Variants in FGFR2 observed in about 807,000 individuals in gnomAD.
FGFR2 encodes the protein fibroblast growth factor receptor 2.
In FGFR2, 19 loss-of-function variants were observed where a neutral mutation model predicts 95.9. The ratio of observed to expected loss-of-function variants is 0.20; its 90% CI spans 0.14 to 0.29. The LOEUF (loss-of-function observed/expected upper bound fraction) is 0.29, where lower values mean the gene tolerates loss of function less well. Ranked by LOEUF, FGFR2 falls within the 10% of genes least tolerant of loss-of-function variation. The pLI, the probability that FGFR2 is intolerant of heterozygous loss-of-function variation, is 1.00. For synonymous variants in FGFR2, 392 were observed against 393.3 expected (o/e 1.00, Z 0.04); for missense variants, 707 against 1,056.9 (o/e 0.67, Z 4.59).
intron 12 of FGFR2, 89 bp from the exon 13 acceptor site, chr10:121,496,811 C>A: frequency 3.4e-6 from 4 of 1,183,028 alleles, no homozygotes; most frequent in South Asian, 1.3e-5. Context: ...TATTACAACC[C>A]ATGCTTTTTT....
Position 121,479,372 on chromosome 10 carries a change from T to C in FGFR2, c.*485A>G. On this transcript the variant is annotated 3_prime_UTR_variant, in exon 18 of 18. Coordinates refer to ENST00000358487, the MANE Select transcript of FGFR2 (RefSeq NM_000141.5). Reference sequence around the variant, plus strand: ...CTATTAAAAAAAGAGAGACCAATTTTCTAGGTGCATTGGGACATCCATTTA... The same window carrying C: ...CTATTAAAAAAAGAGAGACCAATTTCCTAGGTGCATTGGGACATCCATTTA... The C allele has an allele frequency of 3.3e-6, 1 of 306,620 alleles. No individual in the cohort carries two copies. The highest frequency in any genetic ancestry group is 4.9e-5 in the East Asian group (1 of 20,412). 19.0% of individuals were successfully genotyped at this position (306,620 alleles called of 1,614,324 possible).
chr10:121,551,175 G>T, intron 5 of FGFR2, 115 bp downstream of exon 5: 1 of 1,204,386 alleles, frequency 8.3e-7, no homozygotes. Context: ...AACCGAGATC[G>T]CACCACGGCA....
intron 4 of FGFR2, among the ~76,000 whole-genome samples, chr10:121,554,231 C>T (rs1379603087): frequency 6.6e-6 from 1 of 152,178 alleles, no homozygotes; most frequent in African/African-American, 2.4e-5. Flanking sequence ...GTGTGACCAG[C>T]CCCACCCTGG....
At chr10:121,541,513 C>A (rs138790616) in intron 5 of FGFR2, among the ~76,000 whole-genome samples, 17 of 152,290 alleles carry the variant, frequency 1.1e-4, no homozygotes, top group Non-Finnish European at 2.4e-4. Flanking sequence ...AAAGAAACCA[C>A]TCTTCCGACG....
chr10:121,593,579 G>A (rs996021867), intron 2 of FGFR2, 130 bp downstream of exon 2: 2 of 814,734 alleles, frequency 2.5e-6, no homozygotes, highest in African/African-American at 3.4e-5. Flanking sequence ...CGGGAGCCAA[G>A]AGACCACGAT....
intron 6 of FGFR2, among the ~76,000 whole-genome samples, chr10:121,522,830 A>G (rs1342938307): frequency 1.3e-5 from 2 of 152,062 alleles, no homozygotes; most frequent in African/African-American, 4.8e-5. Context: ...GGGTACCACT[A>G]CCCTAACCTC....
chr10:121,518,600 CAGTCTCCCAAAGCACCA>C lies in FGFR2; in HGVS notation c.940-1154_940-1138del, dbSNP rs1280959731. 6.6e-7 allele frequency: 1 copy of C among 1,516,172 alleles called. No individual in the cohort carries two copies. The highest frequency in any genetic ancestry group is 9.1e-7 in the Non-Finnish European group (1 of 1,097,932). 93.9% of individuals were successfully genotyped at this position (1,516,172 alleles called of 1,614,324 possible). On this transcript the variant is annotated intron_variant, in intron 7 of 17. Coordinates refer to ENST00000358487, the MANE Select transcript of FGFR2 (RefSeq NM_000141.5). This position sits in a 1 kb window ranked among gnomAD's most constrained non-coding sequence, Gnocchi z 4.0. ...CAAGAGTTATCCTATAAGCTGCCTG[CAGTCTCCCAAAGCACCA>C]AGTCTTTTCAGCTTCTATATCCAGC...
intron 9 of FGFR2, among the ~76,000 whole-genome samples, chr10:121,507,936 TAAC>T (rs1479224932): frequency 1.3e-5 from 2 of 152,036 alleles, no homozygotes; most frequent in Admixed American, 6.6e-5. Context: ...TAATAAAAAA[TAAC>T]AATACAACAA....
In FGFR2 at chr10:121,517,585, G is replaced by T; in HGVS notation, c.940-122C>A. 3 of 1,105,808 alleles carry T rather than the reference G, an allele frequency of 2.7e-6. No homozygotes were observed. The highest frequency in any genetic ancestry group is 4.0e-6 in the Non-Finnish European group (3 of 743,868). The allele number at this position is 1,105,808 out of a possible 1,614,324, so 68.5% of individuals were successfully genotyped here. ...GGGGTGCTGGCCACTGGGAGATTCC[G>T]ACTGCAGCCCATCCACAAAGCCCAC... is the stretch of plus-strand genomic sequence containing the variant. On this transcript the variant is annotated intron_variant, in intron 7 of 17. Transcript: ENST00000358487. The surrounding 1 kb of genome is among the most constrained non-coding windows in gnomAD (Gnocchi z 4.7).
At position 121,538,669 on chromosome 10, in the gene FGFR2, G is replaced by T; in HGVS notation, c.671C>A (p.Ser224Tyr). The T allele has an allele frequency of 6.2e-7, 1 of 1,614,142 alleles. No homozygotes were observed. Among genetic ancestry groups the T allele is most frequent in the Non-Finnish European group, 8.5e-7 (1 of 1,179,998 alleles). The change falls in exon 6 of 18, where the codon TCT becomes TAT. Residue 224 changes from serine to tyrosine, a missense_variant. Transcript: ENST00000358487. Reference sequence around the variant, plus strand: ...TACACAGGTATAATTTCCCTTGTCAGATGGGACCACACTTTCCATAATGAG... The same window carrying T: ...TACACAGGTATAATTTCCCTTGTCATATGGGACCACACTTTCCATAATGAG... Reference protein sequence around the residue: ...WSLIMESVVPSDKGNYTCVVE... With the variant: ...WSLIMESVVPYDKGNYTCVVE...
Position 121,479,562 on chromosome 10 carries a change from C to A in FGFR2, c.*295G>T. 1 of 1,531,456 alleles carries A rather than the reference C, an allele frequency of 6.5e-7. No homozygotes were observed. Among genetic ancestry groups the A allele is most frequent in the Non-Finnish European group, 8.8e-7 (1 of 1,134,368 alleles). 94.9% of individuals were successfully genotyped at this position (1,531,456 alleles called of 1,614,324 possible). The stretch of plus-strand genomic sequence containing the variant: ...TACAAAATTAACAAGGAAGGCAGAA[C>A]GCACGTCCACCTTGAGTCCTACTGG... On this transcript the variant is annotated 3_prime_UTR_variant, in exon 18 of 18. Transcript: ENST00000358487.
rs1436412564 is a variant in FGFR2 at position 121,593,861 on chromosome 10, G to C, written c.-44C>G. 1 of 1,555,770 alleles carries C rather than the reference G, an allele frequency of 6.4e-7. No individual in the cohort carries two copies. Among genetic ancestry groups the C allele is most frequent in the East Asian group, 2.2e-5 (1 of 44,614 alleles). ...CGGTCCTCTTCCATATCTCCATGTG[G>C]ACGTTAATCCCATCTGCACACTTCC... On this transcript the variant is annotated 5_prime_UTR_variant, in exon 2 of 18. Transcript: ENST00000358487.
intron 2 of FGFR2, among the ~76,000 whole-genome samples, chr10:121,586,834 CAGA>C (rs1287162776): frequency 1.3e-5 from 2 of 152,196 alleles, no homozygotes; most frequent in African/African-American, 2.4e-5. Flanking sequence ...TTGTCTATTA[CAGA>C]AGGAGACATC....
At chr10:121,573,180 C>A (rs554847972) in intron 2 of FGFR2, among the ~76,000 whole-genome samples, 88 of 152,184 alleles carry the variant, frequency 5.8e-4, no homozygotes, top group Non-Finnish European at 1.0e-3. Context: ...TGAAATGGCG[C>A]CCAAATGCAA....
intron 4 of FGFR2, among the ~76,000 whole-genome samples, chr10:121,561,282 G>A (rs1480759175): frequency 6.6e-6 from 1 of 151,962 alleles, no homozygotes; most frequent in Non-Finnish European, 1.5e-5. Context: ...AAATTAGCGG[G>A]GTGTGGTAGC....
chr10:121,513,755 C>T (rs3135764), intron 9 of FGFR2, among the ~76,000 whole-genome samples: 39 of 152,258 alleles, frequency 2.6e-4, no homozygotes, highest in African/African-American at 8.2e-4. Flanking sequence ...GCTGTTAACA[C>T]AATTTGGTCA....
chr10:121,500,963 G>A lies in FGFR2; in HGVS notation c.1440-16C>T, dbSNP rs2134014259. Reference sequence around the variant, plus strand: ...CAGTGTCAGCCTAAATGTGTAAATAGGGGATTAGCACATAGCATCTGGTGA... The same window carrying A: ...CAGTGTCAGCCTAAATGTGTAAATAAGGGATTAGCACATAGCATCTGGTGA... On this transcript the variant is annotated splice_polypyrimidine_tract_variant and intron_variant, in intron 10 of 17. Transcript: ENST00000358487. 1.2e-6 allele frequency: 2 copies of A among 1,613,524 alleles called. No homozygotes were observed. Among genetic ancestry groups the A allele is most frequent in the South Asian group, 1.1e-5 (1 of 91,086 alleles).
chr10:121,579,351 G>A (rs1223798404), intron 2 of FGFR2, among the ~76,000 whole-genome samples: 1 of 152,220 alleles, frequency 6.6e-6, no homozygotes. Context: ...TGTTTACGGG[G>A]CGTAACTGGC....
At position 121,598,197 on chromosome 10, in the gene FGFR2, CT is replaced by C; in HGVS notation, c.-387del. ...TTTGGGGAACGAGAGGAAGAAAGGA[CT>C]CAGGCTTGGCGTTGCCTCCACCAAA... On this transcript the variant is annotated 5_prime_UTR_variant, in exon 1 of 18. Transcript: ENST00000358487. 1 of 397,968 alleles carries C rather than the reference CT, an allele frequency of 2.5e-6. No individual in the cohort carries two copies. The highest frequency in any genetic ancestry group is 3.6e-5 in the East Asian group (1 of 28,020). The allele number at this position is 397,968 out of a possible 1,614,324, so 24.7% of individuals were successfully genotyped here. A position where few individuals can be genotyped will look rare whatever the true frequency, so the allele number is the denominator to read the frequency against.
Sources: allele counts gnomAD v4.1 joint callset (sites outside exome capture counted in the v4.1 genomes callset), GRCh38; gene constraint gnomAD v4.1.1; non-coding constraint Gnocchi (gnomAD v3.1); transcripts MANE v1.5; gene names NCBI Gene and HGNC (gene_info 2026-07-23, HGNC 2026-07-21).